CSMD1: variants seen among roughly 807,000 people sequenced by gnomAD.
CSMD1 encodes the protein CUB and Sushi multiple domains 1.
A neutral mutation model predicts 417.5 loss-of-function variants in CSMD1; 213 were observed. The observed-to-expected ratio is 0.51, with a 90% CI of 0.46 to 0.57. The LOEUF (loss-of-function observed/expected upper bound fraction) is 0.57. Ranked by LOEUF, CSMD1 falls within the 20% of genes least tolerant of loss-of-function variation. The pLI, the probability that CSMD1 is intolerant of heterozygous loss-of-function variation, is 0.00. For missense variants in CSMD1, 6,923 were observed against 4,529.7 expected (o/e 1.53, Z -15.17); for synonymous variants, 2,862 against 1,736.8 (o/e 1.65, Z -16.11).
intron 25 of CSMD1, among the ~76,000 whole-genome samples, chr8:3,288,433 CTT>C (rs1254769613): frequency 2.0e-5 from 3 of 146,916 alleles, no homozygotes; most frequent in Non-Finnish European, 4.4e-5. Context: ...TGGTCCTGGA[CTT>C]TTTTTGGTTG....
intron 5 of CSMD1, among the ~76,000 whole-genome samples, chr8:3,805,374 C>G (rs1308605658): frequency 6.6e-6 from 1 of 152,116 alleles, no homozygotes; most frequent in Non-Finnish European, 1.5e-5. Flanking sequence ...AGAGGAGCCA[C>G]AAGTTACCCC....
chr8:4,815,020 A>G (rs1318113085), intron 1 of CSMD1, among the ~76,000 whole-genome samples: 1 of 152,134 alleles, frequency 6.6e-6, no homozygotes, highest in Non-Finnish European at 1.5e-5. Context: ...ATTATATAGA[A>G]TTAGTTTAAA....
chr8:3,302,523 A>T (rs117453489), intron 25 of CSMD1, among the ~76,000 whole-genome samples: 2 of 152,150 alleles, frequency 1.3e-5, no homozygotes, highest in East Asian at 3.9e-4. Context: ...CTGCATGTCT[A>T]TCTTTTCTGG....
chr8:4,603,227 C>G (rs562171554), intron 2 of CSMD1, among the ~76,000 whole-genome samples: 1 of 151,988 alleles, frequency 6.6e-6, no homozygotes, highest in Admixed American at 6.6e-5. Flanking sequence ...GAAGAAAATT[C>G]TCTTTTCTTG....
At chr8:4,826,357 T>C (rs1239831330) in intron 1 of CSMD1, among the ~76,000 whole-genome samples, 1 of 152,160 alleles carries the variant, frequency 6.6e-6, no homozygotes, top group Non-Finnish European at 1.5e-5. Context: ...ATTACAGCTT[T>C]TTCCACTTTT....
At chr8:3,716,527 C>T (rs1444818709) in intron 6 of CSMD1, among the ~76,000 whole-genome samples, 1 of 152,152 alleles carries the variant, frequency 6.6e-6, no homozygotes, top group Non-Finnish European at 1.5e-5. Flanking sequence ...GTGAGTGCAG[C>T]AGTGAGGATG....
At chr8:4,918,242 C>G (rs1246797830) in intron 1 of CSMD1, among the ~76,000 whole-genome samples, 1 of 152,140 alleles carries the variant, frequency 6.6e-6, no homozygotes, top group Non-Finnish European at 1.5e-5. Flanking sequence ...CACTCAAGGC[C>G]CCCTCCATGT....
At chr8:4,708,300 T>G (rs1052987570) in intron 1 of CSMD1, among the ~76,000 whole-genome samples, 1 of 152,316 alleles carries the variant, frequency 6.6e-6, no homozygotes, top group East Asian at 1.9e-4. Context: ...GTCATTTACA[T>G]AGACATGCAT....
chr8:3,142,448 T>C lies in CSMD1; in HGVS notation c.6241+17A>G. On this transcript the variant is annotated intron_variant, in intron 41 of 69. Coordinates refer to ENST00000635120, the MANE Select transcript of CSMD1 (RefSeq NM_033225.6). ...TGTATTTAGATTTGGGTTTCGGTTCTCGTTGTTGTTCCATACCTTGGTAAG... is the reference window on the plus strand; with the variant it reads ...TGTATTTAGATTTGGGTTTCGGTTCCCGTTGTTGTTCCATACCTTGGTAAG... The C allele has an allele frequency of 2.5e-6, 4 of 1,602,856 alleles. No individual in the cohort carries two copies. The highest frequency in any genetic ancestry group is 3.4e-6 in the Non-Finnish European group (4 of 1,172,328).
At chr8:4,156,552 T>C (rs1257878008) in intron 3 of CSMD1, among the ~76,000 whole-genome samples, 2 of 152,082 alleles carry the variant, frequency 1.3e-5, no homozygotes, top group Admixed American at 6.5e-5. Flanking sequence ...ATTCAAATTC[T>C]AAAAGATCAC....
chr8:3,889,920 T>A (rs183025006), intron 5 of CSMD1, among the ~76,000 whole-genome samples: 42 of 152,272 alleles, frequency 2.8e-4, no homozygotes, highest in African/African-American at 7.5e-4. Flanking sequence ...TAATGCCACA[T>A]GCCCGTAGTC....
At chr8:4,206,305 A>G (rs1563272163) in intron 3 of CSMD1, among the ~76,000 whole-genome samples, 1 of 152,004 alleles carries the variant, frequency 6.6e-6, no homozygotes, top group Non-Finnish European at 1.5e-5. Context: ...TTAACTTGTC[A>G]TTTACATTAG....
At chr8:3,981,004 G>T (rs1261904850) in intron 5 of CSMD1, among the ~76,000 whole-genome samples, 1 of 152,064 alleles carries the variant, frequency 6.6e-6, no homozygotes, top group African/African-American at 2.4e-5. Context: ...ACACCCAGAG[G>T]TTCTTCAAGG....
rs540308528 is a variant in CSMD1, at chr8:3,057,627, G to A, written c.7475-4980C>T. ...CACTACAAGCCTATTAGATACAAAC[G>A]TTATTCGACTTTCTTACAGATAAAG... On this transcript the variant is annotated intron_variant, in intron 49 of 69. Transcript: ENST00000635120. Among the ~76,000 whole-genome samples the A allele has an allele frequency of 2.6e-5, 4 of 152,064 alleles. No individual in the cohort carries two copies. The South Asian group carries it at 6.2e-4, about 24-fold the overall frequency.
chr8:3,918,399 C>T (rs772719115), intron 5 of CSMD1, among the ~76,000 whole-genome samples: 10 of 151,992 alleles, frequency 6.6e-5, no homozygotes, highest in Non-Finnish European at 1.2e-4. Flanking sequence ...ACAAATATCA[C>T]GTGATATATT....
At chr8:4,366,239 G>C (rs991660679) in intron 3 of CSMD1, among the ~76,000 whole-genome samples, 4 of 139,058 alleles carry the variant, frequency 2.9e-5, no homozygotes, top group Admixed American at 7.4e-5. Context: ...CCATGTAGCT[G>C]CAAAAGACGT....
chr8:4,444,031 A>C (rs183852055), intron 2 of CSMD1, among the ~76,000 whole-genome samples: 137 of 152,246 alleles, frequency 9.0e-4, no homozygotes, highest in Middle Eastern at 6.8e-3. Flanking sequence ...GAAAACACAC[A>C]CTATCTTTGA....
rs554937284 is a variant in CSMD1, at chr8:4,866,742, C to A, written c.85+127590G>T. ...ACAATAATTTTCAACCTCGATCGTT[C>A]AAACTCATTTTTTAAAATTATTATA... On this transcript the variant is annotated intron_variant, in intron 1 of 69. Transcript: ENST00000635120. Among the ~76,000 whole-genome samples, 3 of 152,012 alleles carry A rather than the reference C, an allele frequency of 2.0e-5. No individual in the cohort carries two copies. The East Asian group carries it at 5.8e-4, about 29-fold the overall frequency.
chr8:3,317,086 T>G (rs1805822207), intron 23 of CSMD1, among the ~76,000 whole-genome samples: 1 of 151,614 alleles, frequency 6.6e-6, no homozygotes, highest in South Asian at 2.1e-4. Flanking sequence ...ATAGATGGGG[T>G]CTGTGATGAA....
Sources: gnomAD v4.1 joint callset for allele counts (sites outside exome capture counted in the v4.1 genomes callset) on GRCh38, gnomAD v4.1.1 for gene constraint, MANE v1.5 for transcripts, NCBI Gene and HGNC (gene_info 2026-07-23, HGNC 2026-07-21) for gene names.